Variants in MAPK9 observed in about 807,000 individuals in gnomAD.
MAPK9 encodes Jun kinase.
In MAPK9, 30 loss-of-function variants were observed where a neutral mutation model predicts 57.1. The observed-to-expected ratio is 0.53, with a 90% CI of 0.39 to 0.71. The LOEUF is 0.71. Ranked by LOEUF, MAPK9 falls within the 30% of genes least tolerant of loss-of-function variation. The pLI is 0.00. For missense variants in MAPK9, 362 were observed against 521.0 expected (o/e 0.69, Z 2.97); for synonymous variants, 155 against 177.0 (o/e 0.88, Z 0.99).
At chr5:180,271,187 TA>T (rs34111455) in intron 2 of MAPK9, among the ~76,000 whole-genome samples, 1,655 of 152,314 alleles carry the variant, frequency 0.011, 24 homozygotes, top group African/African-American at 0.038. Flanking sequence ...TTTGTCATTT[TA>T]AAAAAGTTTT....
At chr5:180,268,998 G>A (rs1760979955) in intron 3 of MAPK9, among the ~76,000 whole-genome samples, 1 of 151,104 alleles carries the variant, frequency 6.6e-6, no homozygotes, top group African/African-American at 2.4e-5. Flanking sequence ...AATTAGCCGG[G>A]CGTGGTGGCA....
In MAPK9 at chr5:180,235,233, C is replaced by G. The variant is rs1757092185; in HGVS notation, c.*1151G>C. The G allele has an allele frequency of 6.6e-6, 1 of 152,218 alleles. No homozygotes were observed. Among genetic ancestry groups the G allele is most frequent in the South Asian group, 2.1e-4 (1 of 4,836 alleles). The allele number at this position is 152,218 out of a possible 1,614,324, so 9.4% of individuals were successfully genotyped here. A position where few individuals can be genotyped will look rare whatever the true frequency, so the allele number is the denominator to read the frequency against. On this transcript the variant is annotated 3_prime_UTR_variant, in exon 12 of 12. Transcript: ENST00000452135. ...AACATTCTTGTGAAAAGGAATGCCTCCCAACAATGGAGAGCAACAATAGCA... is the reference window on the plus strand; with the variant it reads ...AACATTCTTGTGAAAAGGAATGCCTGCCAACAATGGAGAGCAACAATAGCA...
chr5:180,260,594 C>T (rs928865399), intron 5 of MAPK9, among the ~76,000 whole-genome samples: 2 of 152,126 alleles, frequency 1.3e-5, no homozygotes, highest in Admixed American at 6.5e-5. Flanking sequence ...TCTGTAGATA[C>T]CCTTTAAGCA....
At chr5:180,267,260 T>C (rs1271786485) in intron 3 of MAPK9, among the ~76,000 whole-genome samples, 2 of 152,102 alleles carry the variant, frequency 1.3e-5, no homozygotes, top group African/African-American at 4.8e-5. Context: ...AAAAATTTTT[T>C]AAATAAGTAA....
chr5:180,267,562 A>T (rs1760752471), intron 3 of MAPK9, among the ~76,000 whole-genome samples: 1 of 11,544 alleles, frequency 8.7e-5, no homozygotes, highest in East Asian at 4.7e-3. Flanking sequence ...ACTCCGTCTC[A>T]AAAAAAAAAA....
chr5:180,264,121 A>G (rs565150899), intron 4 of MAPK9, among the ~76,000 whole-genome samples: 1 of 152,208 alleles, frequency 6.6e-6, no homozygotes, highest in African/African-American at 2.4e-5. Context: ...AGCACTTTTG[A>G]TCCCCTGACC....
intron 3 of MAPK9, among the ~76,000 whole-genome samples, chr5:180,265,395 C>T (rs1377738975): frequency 6.6e-6 from 1 of 152,176 alleles, no homozygotes; most frequent in African/African-American, 2.4e-5. Context: ...AGGGAGAGAC[C>T]TGGTGGGAGG....
chr5:180,267,076 A>G (rs1581248906), intron 3 of MAPK9, among the ~76,000 whole-genome samples: 1 of 152,286 alleles, frequency 6.6e-6, no homozygotes, highest in East Asian at 1.9e-4. Flanking sequence ...ACGAGGAGAA[A>G]AGCAGGATGA....
intron 3 of MAPK9, among the ~76,000 whole-genome samples, chr5:180,265,911 C>A (rs1362931963): frequency 2.0e-5 from 3 of 151,836 alleles, no homozygotes; most frequent in African/African-American, 7.3e-5. Flanking sequence ...GAAATAAAAC[C>A]TCAGAATATA....
intron 5 of MAPK9, among the ~76,000 whole-genome samples, chr5:180,257,068 T>C (rs1470953962): frequency 6.6e-6 from 1 of 152,310 alleles, no homozygotes; most frequent in East Asian, 1.9e-4. Context: ...TATATTATTT[T>C]AACTGACCAT....
intron 2 of MAPK9, among the ~76,000 whole-genome samples, chr5:180,272,903 C>T (rs1581271586): frequency 6.6e-6 from 1 of 152,142 alleles, no homozygotes; most frequent in East Asian, 1.9e-4. Context: ...ATGTCAAACT[C>T]TTTGCCAGAG....
intron 2 of MAPK9, among the ~76,000 whole-genome samples, chr5:180,279,241 C>T (rs1034612398): frequency 6.6e-6 from 1 of 152,202 alleles, no homozygotes; most frequent in Non-Finnish European, 1.5e-5. Flanking sequence ...CAGGCGTGAG[C>T]CACCGTGCCC....
At chr5:180,251,340 C>T (rs577605388) in intron 5 of MAPK9, among the ~76,000 whole-genome samples, 6 of 152,320 alleles carry the variant, frequency 3.9e-5, no homozygotes, top group South Asian at 2.1e-4. Flanking sequence ...CAAGGACAGA[C>T]GCAGCAGTGG....
rs757088270 is a variant in MAPK9, at chr5:180,261,688, T to C, written c.446A>G (p.His149Arg). The C allele has an allele frequency of 6.2e-7, 1 of 1,605,308 alleles. No homozygotes were observed. The highest frequency in any genetic ancestry group is 8.5e-7 in the Non-Finnish European group (1 of 1,176,828). Reference protein sequence around the residue: ...IKHLHSAGIIHRDLKPSNIVV... With the variant: ...IKHLHSAGIIRRDLKPSNIVV... Reference sequence around the variant, plus strand: ...AATTAATACATCACCACTTACTCTATGAATTATACCAGCTGAATGCAGATG... The same window carrying C: ...AATTAATACATCACCACTTACTCTACGAATTATACCAGCTGAATGCAGATG... Residue 149 changes from histidine to arginine, a missense_variant, in exon 5 of 12, where the codon CAT becomes CGT. Coordinates refer to ENST00000452135, the MANE Select transcript of MAPK9 (RefSeq NM_002752.5).
chr5:180,263,423 C>T (rs1292755863), intron 4 of MAPK9, among the ~76,000 whole-genome samples: 1 of 152,162 alleles, frequency 6.6e-6, no homozygotes, highest in Admixed American at 6.5e-5. Flanking sequence ...TAGTGGGTTA[C>T]CAACCCAGAT....
At chr5:180,257,805 C>T (rs1759457461) in intron 5 of MAPK9, 4 of 169,678 alleles carry the variant, frequency 2.4e-5, no homozygotes, top group Non-Finnish European at 3.9e-5. Flanking sequence ...AAATATTCGG[C>T]CAGATTCCAA....
chr5:180,255,615 G>A (rs1262070505), intron 5 of MAPK9, among the ~76,000 whole-genome samples: 2 of 151,896 alleles, frequency 1.3e-5, no homozygotes, highest in African/African-American at 4.8e-5. Context: ...TAACTCCAGG[G>A]AACAAAAGGT....
chr5:180,266,579 A>G (rs957818121), intron 3 of MAPK9, among the ~76,000 whole-genome samples: 1 of 151,838 alleles, frequency 6.6e-6, no homozygotes, highest in Non-Finnish European at 1.5e-5. Context: ...TGGCCTCCCA[A>G]AGTGTTGGGA....
intron 11 of MAPK9, chr5:180,237,515 G>A (rs566096015): frequency 6.6e-6 from 1 of 152,230 alleles, no homozygotes; most frequent in Non-Finnish European, 1.5e-5. Context: ...CAGAAAAATG[G>A]GAAAATGATA....
Sources: gnomAD v4.1 joint callset for allele counts (sites outside exome capture counted in the v4.1 genomes callset) on GRCh38, gnomAD v4.1.1 for gene constraint, MANE v1.5 for transcripts, NCBI Gene and HGNC (gene_info 2026-07-23, HGNC 2026-07-21) for gene names.